TPO: variants seen among roughly 807,000 people sequenced by gnomAD.
TPO encodes thyroid microsomal antigen.
A neutral mutation model predicts 96.9 loss-of-function variants in TPO; 78 were observed. That is an observed-to-expected ratio of 0.81 (90% CI 0.67 to 0.97). The LOEUF is 0.97. Among genes scored for constraint, TPO ranks in the 50% least tolerant of loss-of-function variants. The pLI is 0.00. For synonymous variants in TPO, 547 were observed against 538.0 expected (o/e 1.02, Z -0.23); for missense variants, 1,252 against 1,274.8 (o/e 0.98, Z 0.27).
chr2:1,404,287 G>T (rs1340352600), intron 1 of TPO, among the ~76,000 whole-genome samples: 2 of 152,166 alleles, frequency 1.3e-5, no homozygotes, highest in Non-Finnish European at 2.9e-5. Context: ...TTGTGGTAAT[G>T]CAGTAGCCCA....
chr2:1,438,167 T>G, intron 5 of TPO, among the ~76,000 whole-genome samples: 1 of 149,304 alleles, frequency 6.7e-6, no homozygotes, highest in Admixed American at 6.7e-5. Flanking sequence ...TGCAGGTACA[T>G]GTTGAGGGTG....
chr2:1,374,860 G>C (rs113502641), intron 1 of TPO, among the ~76,000 whole-genome samples: 3,126 of 151,530 alleles, frequency 0.021, 110 homozygotes, highest in African/African-American at 0.072. Context: ...CCAAGTAGCT[G>C]GGACTACAGG....
At chr2:1,472,325 G>A (rs975689425) in intron 7 of TPO, among the ~76,000 whole-genome samples, 3 of 152,004 alleles carry the variant, frequency 2.0e-5, no homozygotes, top group Non-Finnish European at 2.9e-5. Context: ...AATGCTCATG[G>A]TGTGTCCTTC....
intron 7 of TPO, 142 bp from the exon 8 acceptor site, chr2:1,476,944 C>A: frequency 9.1e-7 from 1 of 1,095,058 alleles, no homozygotes; most frequent in Non-Finnish European, 1.3e-6. Flanking sequence ...GGTGAGGGGA[C>A]TGGCTGGACT....
chr2:1,407,512 G>A (rs946155506), intron 1 of TPO, among the ~76,000 whole-genome samples: 2 of 152,104 alleles, frequency 1.3e-5, no homozygotes, highest in African/African-American at 4.8e-5. Context: ...TTTCTTTTTA[G>A]AAATGGCACA....
chr2:1,533,071 C>G (rs998701614), intron 15 of TPO, among the ~76,000 whole-genome samples: 1 of 143,936 alleles, frequency 6.9e-6, no homozygotes, highest in African/African-American at 2.7e-5. Context: ...CTCAAATCCC[C>G]CTACTGCGAG....
intron 1 of TPO, among the ~76,000 whole-genome samples, chr2:1,393,585 A>T (rs1281830483): frequency 1.3e-5 from 2 of 152,216 alleles, no homozygotes; most frequent in African/African-American, 4.8e-5. Flanking sequence ...GCTGATAGCA[A>T]GCCTACCTTG....
At chr2:1,530,881 T>A (rs1188821873) in intron 15 of TPO, among the ~76,000 whole-genome samples, 53 of 17,892 alleles carry the variant, frequency 3.0e-3, no homozygotes, top group South Asian at 5.7e-3. Flanking sequence ...CCTCCGCAAA[T>A]CCCCCCACTG....
chr2:1,438,122 G>A (rs1218163195), intron 5 of TPO, among the ~76,000 whole-genome samples: 2 of 151,894 alleles, frequency 1.3e-5, no homozygotes, highest in African/African-American at 4.8e-5. Flanking sequence ...ACGGGGAGGA[G>A]CAGGGTCTTC....
At chr2:1,457,889 G>A (rs890611460) in intron 7 of TPO, among the ~76,000 whole-genome samples, 2 of 151,950 alleles carry the variant, frequency 1.3e-5, no homozygotes, top group Non-Finnish European at 2.9e-5. Context: ...GTGGGCACGT[G>A]TGTATATGGC....
In TPO at chr2:1,433,362, C is replaced by G; in HGVS notation, c.180-76C>G. 3 of 1,565,258 alleles carry G rather than the reference C, an allele frequency of 1.9e-6. No individual in the cohort carries two copies. In the South Asian group the frequency reaches 3.4e-5, roughly 18 times the overall value. On this transcript the variant is annotated intron_variant, in intron 3 of 16. Coordinates refer to ENST00000329066, the MANE Select transcript of TPO (RefSeq NM_001206744.2). ...ACAGTAGTTACTCAATAAATGTCTGCTTAATTAATTAGTAATTAAGTACCA... is the reference window on the plus strand; with the variant it reads ...ACAGTAGTTACTCAATAAATGTCTGGTTAATTAATTAGTAATTAAGTACCA...
intron 5 of TPO, among the ~76,000 whole-genome samples, chr2:1,440,065 T>A (rs1294297525): frequency 6.6e-6 from 1 of 152,236 alleles, no homozygotes; most frequent in Non-Finnish European, 1.5e-5. Flanking sequence ...CATCCTTGTC[T>A]GGGCTGGTGC....
At position 1,450,064 on chromosome 2, in the gene TPO, G is replaced by A. The variant is rs142427741; in HGVS notation, c.483-3630G>A. ...TGGCCCAGCAGGATGAGGGCATCCC[G>A]TGTCCCGCTGCTGCCCCGCTGAGAA... is the stretch of plus-strand genomic sequence containing the variant. On this transcript the variant is annotated intron_variant, in intron 5 of 16. Transcript: ENST00000329066. Among the ~76,000 whole-genome samples, 208 of 152,314 alleles carry A rather than the reference G, an allele frequency of 1.4e-3. 1 individual carries two copies. Among genetic ancestry groups the A allele is most frequent in the African/African-American group, 4.9e-3 (203 of 41,564 alleles).
chr2:1,402,092 C>G (rs761407360), intron 1 of TPO, among the ~76,000 whole-genome samples: 1 of 152,154 alleles, frequency 6.6e-6, no homozygotes, highest in Non-Finnish European at 1.5e-5. Context: ...AAAGGGCTGA[C>G]GGTTACCTCT....
Position 1,537,072 on chromosome 2 carries a change from G to T in TPO, c.2619-3522G>T, listed in dbSNP as rs1182198685. 3.2e-4 allele frequency among the ~76,000 whole-genome samples: 28 copies of T among 86,520 alleles called. 1 individual carries two copies. The highest frequency in any genetic ancestry group is 4.0e-4 in the African/African-American group (9 of 22,376). The allele number at this position is 86,520 out of a possible 152,430, so 56.8% of individuals were successfully genotyped here. A position where few individuals can be genotyped will look rare whatever the true frequency, so the allele number is the denominator to read the frequency against. ...AACCTCCCCAAATCCCTGCCACTGT[G>T]TGCAACCTCACCAAATCCGTCCACT... On this transcript the variant is annotated intron_variant, in intron 15 of 16. Coordinates refer to ENST00000329066, the MANE Select transcript of TPO (RefSeq NM_001206744.2).
intron 11 of TPO, 123 bp downstream of exon 11, chr2:1,494,162 C>T (rs1672093339): frequency 6.8e-6 from 7 of 1,026,168 alleles, no homozygotes; most frequent in Non-Finnish European, 9.1e-6. Context: ...CTTACGTAAG[C>T]CTGGTCAGGT....
At chr2:1,535,846 A>G (rs1316359110) in intron 15 of TPO, among the ~76,000 whole-genome samples, 3 of 70,654 alleles carry the variant, frequency 4.2e-5, no homozygotes, top group African/African-American at 2.5e-4. Context: ...AACTGTGTGC[A>G]ACCTCCCCGA....
chr2:1,537,106 C>A (rs1415677303), intron 15 of TPO, among the ~76,000 whole-genome samples: 1 of 96,476 alleles, frequency 1.0e-5, no homozygotes, highest in Non-Finnish European at 2.0e-5. Flanking sequence ...CTGTGTGCAA[C>A]CTCCCTAGAT....
chr2:1,481,262 AG>A (rs1190692452), intron 8 of TPO, among the ~76,000 whole-genome samples: 1 of 152,188 alleles, frequency 6.6e-6, no homozygotes, highest in Non-Finnish European at 1.5e-5. Context: ...AGACAAGAAA[AG>A]AATGAGAAAG....
Sources: gnomAD v4.1 joint callset for allele counts (sites outside exome capture counted in the v4.1 genomes callset) on GRCh38, gnomAD v4.1.1 for gene constraint, MANE v1.5 for transcripts, NCBI Gene and HGNC (gene_info 2026-07-23, HGNC 2026-07-21) for gene names.